Variants in GAB1 observed in about 807,000 individuals in gnomAD.
GAB1 encodes the protein GRB2-associated-binding protein 1.
Under a neutral mutation model 66.5 loss-of-function variants are expected in GAB1, and 19 were observed. That is an observed-to-expected ratio of 0.29 (90% confidence interval 0.20 to 0.42). GAB1 has a LOEUF of 0.42. GAB1 is among the 10% of genes least tolerant of loss of function. The pLI, the probability that GAB1 is intolerant of heterozygous loss-of-function variation, is 1.00. For synonymous variants in GAB1, 294 were observed against 301.4 expected (o/e 0.98, Z 0.25); for missense variants, 732 against 858.5 (o/e 0.85, Z 1.84).
chr4:143,342,367 G>C (rs889697409), intron 1 of GAB1, among the ~76,000 whole-genome samples: 2 of 152,098 alleles, frequency 1.3e-5, no homozygotes, highest in African/African-American at 2.4e-5. Flanking sequence ...TAATCTGTTT[G>C]ACAAGTGACT....
chr4:143,442,202 A>T (rs999019472), intron 6 of GAB1, among the ~76,000 whole-genome samples: 1 of 152,194 alleles, frequency 6.6e-6, no homozygotes, highest in Non-Finnish European at 1.5e-5. Flanking sequence ...TGAAATATTG[A>T]AATATCTTTT....
intron 6 of GAB1, among the ~76,000 whole-genome samples, chr4:143,440,744 GCAC>G (rs981625206): frequency 5.5e-4 from 83 of 152,228 alleles, no homozygotes; most frequent in African/African-American, 1.8e-3. Context: ...GTGAAATGAT[GCAC>G]CCATGCAGGC....
At chr4:143,400,158 G>C (rs1279135711) in intron 1 of GAB1, among the ~76,000 whole-genome samples, 2 of 152,098 alleles carry the variant, frequency 1.3e-5, no homozygotes, top group Admixed American at 1.3e-4. Flanking sequence ...GGCCAGACTG[G>C]TCTTGATCTC....
chr4:143,395,777 C>T (rs1347445136), intron 1 of GAB1: 2 of 403,750 alleles, frequency 5.0e-6, no homozygotes, highest in Non-Finnish European at 5.0e-6. Flanking sequence ...ATGCTGTGCC[C>T]CTTCTTTTAA....
intron 2 of GAB1, among the ~76,000 whole-genome samples, chr4:143,424,413 T>C (rs993244108): frequency 6.6e-6 from 1 of 152,236 alleles, no homozygotes; most frequent in Non-Finnish European, 1.5e-5. Flanking sequence ...GATAAATATT[T>C]TTCATACTTC....
intron 6 of GAB1, among the ~76,000 whole-genome samples, chr4:143,455,783 C>T (rs535736983): frequency 6.6e-6 from 1 of 152,312 alleles, no homozygotes; most frequent in African/African-American, 2.4e-5. Context: ...CTGTGTGGCA[C>T]AGAGTGCTGC....
chr4:143,407,274 T>C (rs1275999387), intron 1 of GAB1, among the ~76,000 whole-genome samples: 1 of 151,610 alleles, frequency 6.6e-6, no homozygotes, highest in Non-Finnish European at 1.5e-5. Context: ...TTTTTTTTTT[T>C]GGCTTTTTGT....
chr4:143,471,481 C>T lies in GAB1; in HGVS notation c.*2292C>T, dbSNP rs933995598. ...CCCCAATACATAAAGCCTGAAAACT[C>T]AATTTTATCAATATAAATGTATTTT... On this transcript the variant is annotated 3_prime_UTR_variant, in exon 10 of 10. Coordinates refer to ENST00000262994, the MANE Select transcript of GAB1 (RefSeq NM_002039.4). 1 of 152,082 alleles carries T rather than the reference C, an allele frequency of 6.6e-6. No homozygotes were observed. Among genetic ancestry groups the T allele is most frequent in the Non-Finnish European group, 1.5e-5 (1 of 67,992 alleles). 9.4% of individuals were successfully genotyped at this position (152,082 alleles called of 1,614,324 possible).
chr4:143,368,755 GA>G (rs1258732224), intron 1 of GAB1, among the ~76,000 whole-genome samples: 1 of 152,120 alleles, frequency 6.6e-6, no homozygotes, highest in African/African-American at 2.4e-5. Flanking sequence ...GCTGTATAAA[GA>G]AATACTTGGT....
chr4:143,435,672 G>T (rs1436375484), intron 3 of GAB1, among the ~76,000 whole-genome samples: 1 of 152,134 alleles, frequency 6.6e-6, no homozygotes, highest in Non-Finnish European at 1.5e-5. Context: ...GTGCTATGAA[G>T]GTACAAACTA....
chr4:143,458,872 G>T (rs1313042670), intron 6 of GAB1, among the ~76,000 whole-genome samples: 1 of 151,828 alleles, frequency 6.6e-6, no homozygotes, highest in African/African-American at 2.4e-5. Context: ...TATTTTAAAA[G>T]ATTCGAACAT....
intron 1 of GAB1, among the ~76,000 whole-genome samples, chr4:143,394,142 C>G (rs1191139310): frequency 6.6e-6 from 1 of 152,112 alleles, no homozygotes; most frequent in Non-Finnish European, 1.5e-5. Flanking sequence ...GGCATGGTGG[C>G]ACGTGCCTGT....
intron 1 of GAB1, among the ~76,000 whole-genome samples, chr4:143,355,082 A>G (rs915711726): frequency 7.2e-5 from 11 of 152,224 alleles, no homozygotes; most frequent in African/African-American, 2.7e-4. Flanking sequence ...TTTTTATTGA[A>G]ATACCTCAAG....
In GAB1 at chr4:143,337,084, G is replaced by C; in HGVS notation, c.-105G>C. ...CCAGTCCGTCCGGGGTGCGCGACCA[G>C]GAGAGCTAGGTTCTCGCCACTGCGC... On this transcript the variant is annotated 5_prime_UTR_variant, in exon 1 of 10. Transcript: ENST00000262994. The C allele has an allele frequency of 1.2e-5, 12 of 971,200 alleles. No homozygotes were observed. The highest frequency in any genetic ancestry group is 1.7e-5 in the Non-Finnish European group (11 of 651,038). The allele number at this position is 971,200 out of a possible 1,614,324, so 60.2% of individuals were successfully genotyped here.
At chr4:143,416,942 G>A (rs1732724873) in intron 2 of GAB1, among the ~76,000 whole-genome samples, 1 of 152,142 alleles carries the variant, frequency 6.6e-6, no homozygotes, top group Non-Finnish European at 1.5e-5. Context: ...TTAGGAAATA[G>A]CCAAGGTAAT....
chr4:143,452,187 T>C (rs917545587), intron 6 of GAB1, among the ~76,000 whole-genome samples: 16 of 152,308 alleles, frequency 1.1e-4, no homozygotes, highest in African/African-American at 3.8e-4. Context: ...CAAGTGATCC[T>C]CCTGCCTCGG....
chr4:143,366,233 G>A (rs1415740711), intron 1 of GAB1, among the ~76,000 whole-genome samples: 3 of 152,022 alleles, frequency 2.0e-5, no homozygotes, highest in African/African-American at 7.3e-5. Flanking sequence ...TGTTGTATGT[G>A]GTTCTGTTAT....
chr4:143,416,709 G>A (rs1413485617), intron 2 of GAB1, among the ~76,000 whole-genome samples: 1 of 152,080 alleles, frequency 6.6e-6, no homozygotes, highest in Non-Finnish European at 1.5e-5. Flanking sequence ...AGGAGGCGGA[G>A]GCTACAGTGA....
chr4:143,418,034 G>C (rs1057267717), intron 2 of GAB1, among the ~76,000 whole-genome samples: 2 of 152,194 alleles, frequency 1.3e-5, no homozygotes, highest in Non-Finnish European at 2.9e-5. Flanking sequence ...CTTCCTCTCT[G>C]GCCAGTCAGC....
Sources: gnomAD v4.1 joint callset for allele counts (sites outside exome capture counted in the v4.1 genomes callset) on GRCh38, gnomAD v4.1.1 for gene constraint, MANE v1.5 for transcripts, NCBI Gene and HGNC (gene_info 2026-07-23, HGNC 2026-07-21) for gene names.